The following SEC16B variants were observed in gnomAD, a reference collection of about 807,000 sequenced individuals.
SEC16B encodes the protein protein transport protein Sec16B.
A neutral mutation model predicts 141.8 loss-of-function variants in SEC16B; 115 were observed. The observed-to-expected ratio is 0.81, with a 90% CI of 0.70 to 0.95. The LOEUF is 0.95. SEC16B is among the 40% of genes least tolerant of loss of function. The pLI, the probability that SEC16B is intolerant of heterozygous loss-of-function variation, is 0.00. For synonymous variants in SEC16B, 493 were observed against 492.5 expected, an observed-to-expected ratio of 1.00 and a Z score of -0.01; for missense variants, 1,291 against 1,312.3, an observed-to-expected ratio of 0.98 and a Z score of 0.25.
upstream of SEC16B, among the ~76,000 whole-genome samples, chr1:177,972,030 T>A (rs35295903): frequency 0.072 from 10,998 of 152,272 alleles, 670 homozygotes; most frequent in East Asian, 0.32. Flanking sequence ...GATTCAGCAT[T>A]CTTGCAATTA....
At chr1:177,963,421 G>A (rs1051399484) in intron 5 of SEC16B, among the ~76,000 whole-genome samples, 1 of 151,934 alleles carries the variant, frequency 6.6e-6, no homozygotes, top group Non-Finnish European at 1.5e-5. Context: ...TGGCCAACAT[G>A]GTGAAACCCG....
chr1:177,935,267 ATGCCTCCCCAGCCCC>A (rs201947937), intron 20 of SEC16B, among the ~76,000 whole-genome samples: 2,440 of 152,160 alleles, frequency 0.016, 63 homozygotes, highest in African/African-American at 0.056. Context: ...TGATGTGCTG[ATGCCTCCCCAGCCCC>A]TGTGACAGGG....
intron 25 of SEC16B, 47 bp downstream of exon 25, chr1:177,930,498 C>A (rs1471452099): frequency 7.2e-7 from 1 of 1,385,882 alleles, no homozygotes; most frequent in African/African-American, 1.4e-5. Context: ...CTCCTTAATC[C>A]AAAACCTGTA....
Position 177,929,751 on chromosome 1 carries a change from C to T in SEC16B, c.*107G>A. 3 of 1,295,664 alleles carry T rather than the reference C, an allele frequency of 2.3e-6. No homozygotes were observed. In the East Asian group the frequency reaches 7.5e-5, roughly 32 times the overall value. 80.3% of individuals were successfully genotyped at this position (1,295,664 alleles called of 1,614,324 possible). A position where few individuals can be genotyped will look rare whatever the true frequency, so the allele number is the denominator to read the frequency against. ...GCCCGGTGGAGGCATCGGGCTAGCACAAACCTCTTGAGGGTCCCAATATGG... is the reference window on the plus strand; with the variant it reads ...GCCCGGTGGAGGCATCGGGCTAGCATAAACCTCTTGAGGGTCCCAATATGG... On this transcript the variant is annotated 3_prime_UTR_variant, in exon 26 of 26. Coordinates refer to ENST00000308284, the MANE Select transcript of SEC16B (RefSeq NM_033127.4).
chr1:177,946,328 G>T lies in SEC16B; in HGVS notation c.1775+92C>A, dbSNP rs1452044665. Reference sequence around the variant, plus strand: ...CCGGCGGTAGCTGAAATTCACATGAGAAAATGAAAAATGGATCCATAAAAC... The same window carrying T: ...CCGGCGGTAGCTGAAATTCACATGATAAAATGAAAAATGGATCCATAAAAC... On this transcript the variant is annotated intron_variant, in intron 14 of 25. Coordinates refer to ENST00000308284, the MANE Select transcript of SEC16B (RefSeq NM_033127.4). The T allele has an allele frequency of 1.4e-5, 13 of 952,310 alleles. No individual in the cohort carries two copies. The East Asian group carries it at 3.1e-4, about 23-fold the overall frequency. 59.0% of individuals were successfully genotyped at this position (952,310 alleles called of 1,614,324 possible).
At position 177,930,570 on chromosome 1, in the gene SEC16B, A is replaced by G; in HGVS notation, c.3086T>C (p.Leu1029Pro). ...CTGAGGCACCTGAGATGGGTTGTAA[A>G]GAGGAACAGCCCCTTTTAAGGCAGG... ...PPPALKGAVP[L>P]YNPSQVPQLP... The change falls in exon 25 of 26, where the codon CTT (leucine) becomes CCT (proline). Residue 1029 changes from leucine to proline, a missense_variant. By Grantham distance (98) the Leu-to-Pro change is moderately conservative (BLOSUM62 -3). Coordinates refer to ENST00000308284, the MANE Select transcript of SEC16B (RefSeq NM_033127.4). The G allele has an allele frequency of 6.2e-7, 1 of 1,613,722 alleles. No individual in the cohort carries two copies. Among genetic ancestry groups the G allele is most frequent in the South Asian group, 1.1e-5 (1 of 90,966 alleles).
chr1:177,957,335 T>C, intron 10 of SEC16B, among the ~76,000 whole-genome samples: 1 of 152,130 alleles, frequency 6.6e-6, no homozygotes, highest in South Asian at 2.1e-4. Context: ...TATAACTATT[T>C]TTTAAATGGC....
chr1:177,973,190 C>T (rs1402204133), upstream of SEC16B: 1 of 152,164 alleles, frequency 6.6e-6, no homozygotes, highest in African/African-American at 2.4e-5. Flanking sequence ...TGTGAACACC[C>T]ACCTAGATCT....
At chr1:177,954,982 T>G (rs1175215736) in intron 10 of SEC16B, among the ~76,000 whole-genome samples, 1 of 152,150 alleles carries the variant, frequency 6.6e-6, no homozygotes, top group African/African-American at 2.4e-5. Context: ...AAATTAATTT[T>G]GAAGTAGAAA....
intron 1 of SEC16B, among the ~76,000 whole-genome samples, chr1:177,983,251 A>C (rs940368992): frequency 1.3e-5 from 2 of 152,290 alleles, no homozygotes. Context: ...CATATGGTTC[A>C]CTGGGATCAA....
chr1:177,969,268 G>A (rs954090292), intron 1 of SEC16B, among the ~76,000 whole-genome samples: 16 of 152,304 alleles, frequency 1.1e-4, no homozygotes, highest in African/African-American at 2.9e-4. Context: ...CCAGGGAGCC[G>A]AGGTCGACAG....
chr1:177,980,840 A>T (rs1475654139), intron 1 of SEC16B, among the ~76,000 whole-genome samples: 1 of 152,122 alleles, frequency 6.6e-6, no homozygotes, highest in Non-Finnish European at 1.5e-5. Context: ...AGAGTGCATT[A>T]TCCTGGAAAG....
intron 24 of SEC16B, among the ~76,000 whole-genome samples, chr1:177,932,153 G>A (rs1650467273): frequency 6.6e-6 from 1 of 152,296 alleles, no homozygotes; most frequent in South Asian, 2.1e-4. Flanking sequence ...GTCCCTATAA[G>A]AGGAAGAAAT....
chr1:177,953,917 C>T (rs766919535), intron 11 of SEC16B, among the ~76,000 whole-genome samples: 15 of 152,074 alleles, frequency 9.9e-5, no homozygotes, highest in Non-Finnish European at 2.2e-4. Context: ...CAACTGCTTA[C>T]GTCAAAGACC....
intron 13 of SEC16B, among the ~76,000 whole-genome samples, chr1:177,946,989 C>T (rs1651765089): frequency 6.6e-6 from 1 of 152,102 alleles, no homozygotes; most frequent in African/African-American, 2.4e-5. Context: ...AAATGTTCTC[C>T]CATACATTTT....
rs774595159 is a variant in SEC16B at position 177,946,418 on chromosome 1, A to G, written c.1775+2T>C. The G allele has an allele frequency of 1.3e-6, 2 of 1,559,448 alleles. No individual in the cohort carries two copies. The highest frequency in any genetic ancestry group is 3.8e-5 in the Admixed American group (2 of 52,362). Reference sequence around the variant, plus strand: ...CTGTTTCCTTTCTCCCAGGTCGCATACCTGTGGCTGCTGCCCAGCAAGACC... The same window carrying G: ...CTGTTTCCTTTCTCCCAGGTCGCATGCCTGTGGCTGCTGCCCAGCAAGACC... On this transcript the variant is annotated splice_donor_variant, in intron 14 of 25. Coordinates refer to ENST00000308284, the MANE Select transcript of SEC16B (RefSeq NM_033127.4). LOFTEE classifies it high-confidence loss of function.
At chr1:177,948,893 G>A (rs1651944710) in intron 12 of SEC16B, among the ~76,000 whole-genome samples, 6 of 150,564 alleles carry the variant, frequency 4.0e-5, no homozygotes, top group Admixed American at 4.0e-4. Flanking sequence ...CATTTGGTTT[G>A]CACTTAATCA....
chr1:177,944,104 GA>G (rs1164217933), intron 15 of SEC16B, among the ~76,000 whole-genome samples: 1 of 152,218 alleles, frequency 6.6e-6, no homozygotes, highest in Non-Finnish European at 1.5e-5. Flanking sequence ...GGTGAGGGCG[GA>G]GGTAGAGGAC....
chr1:177,962,845 A>AAG (rs1485750172), intron 5 of SEC16B, among the ~76,000 whole-genome samples: 1 of 151,982 alleles, frequency 6.6e-6, no homozygotes, highest in East Asian at 1.9e-4. Context: ...AGTGGCTCAC[A>AAG]CCTGTAATCC....
Sources: allele counts gnomAD v4.1 joint callset (sites outside exome capture counted in the v4.1 genomes callset), GRCh38; gene constraint gnomAD v4.1.1; transcripts MANE v1.5; gene names NCBI Gene and HGNC (gene_info 2026-07-23, HGNC 2026-07-21).